Variants in XYLT1 observed in about 807,000 individuals in gnomAD.
XYLT1 encodes the protein beta-D-xylosyltransferase 1.
A neutral mutation model predicts 91.3 loss-of-function variants in XYLT1; 36 were observed. The ratio of observed to expected loss-of-function variants is 0.39; its 90% confidence interval spans 0.30 to 0.52. The LOEUF is 0.52. XYLT1 is among the 20% of genes least tolerant of loss of function. The probability of loss-of-function intolerance (pLI) is 0.68; values close to 1 mark genes in which losing one functional copy is unlikely to be tolerated. For missense variants in XYLT1, 1,242 were observed against 1,284.5 expected (o/e 0.97, Z 0.51); for synonymous variants, 588 against 532.0 (o/e 1.11, Z -1.45).
intron 2 of XYLT1, among the ~76,000 whole-genome samples, chr16:17,342,951 G>A (rs12924057): frequency 0.64 from 97,127 of 152,072 alleles, 31,968 homozygotes; most frequent in African/African-American, 0.76. Context: ...AAAAAACTTC[G>A]AGTCCCTAAA....
intron 10 of XYLT1, among the ~76,000 whole-genome samples, chr16:17,127,214 G>A (rs1205021542): frequency 1.3e-5 from 2 of 152,120 alleles, no homozygotes; most frequent in Non-Finnish European, 2.9e-5. Flanking sequence ...TCCCTTGAGC[G>A]AATCCAGGTG....
At chr16:17,313,955 G>A (rs961540037) in intron 2 of XYLT1, among the ~76,000 whole-genome samples, 10 of 152,276 alleles carry the variant, frequency 6.6e-5, no homozygotes, top group African/African-American at 2.4e-4. Context: ...CCTCAGACAG[G>A]CCAGGCCTCA....
chr16:17,361,356 T>C (rs577572709), intron 1 of XYLT1, among the ~76,000 whole-genome samples: 7 of 152,316 alleles, frequency 4.6e-5, no homozygotes, highest in South Asian at 2.1e-4. Context: ...AGAGAAAATA[T>C]ATGCTTGTTG....
rs1400756321 is a variant in XYLT1, at chr16:17,331,960, C to G, written c.402+26052G>C. ...AAGACCAGGTACAGTGCCTGCCTAT[C>G]CCTGGAGAGTGGGTTTCTGTTCCCT... On this transcript the variant is annotated intron_variant, in intron 2 of 11. Transcript: ENST00000261381. 2.0e-5 allele frequency among the ~76,000 whole-genome samples: 3 copies of G among 152,222 alleles called. No individual in the cohort carries two copies. The East Asian group carries it at 5.8e-4, about 29-fold the overall frequency.
intron 10 of XYLT1, among the ~76,000 whole-genome samples, chr16:17,122,252 C>T (rs1315080127): frequency 6.6e-6 from 1 of 152,212 alleles, no homozygotes; most frequent in Non-Finnish European, 1.5e-5. Flanking sequence ...TTCACCACAT[C>T]CATGCCAACA....
intron 2 of XYLT1, among the ~76,000 whole-genome samples, chr16:17,296,133 C>T (rs1410767317): frequency 1.3e-5 from 2 of 151,636 alleles, no homozygotes; most frequent in African/African-American, 4.9e-5. Flanking sequence ...AGGATGCCAA[C>T]TGTCTTCTGG....
intron 5 of XYLT1, chr16:17,194,069 C>T (rs1226971790): frequency 6.6e-6 from 1 of 152,166 alleles, no homozygotes; most frequent in Non-Finnish European, 1.5e-5. Context: ...ATAGGTTGCA[C>T]GCATGGCCTG....
intron 5 of XYLT1, among the ~76,000 whole-genome samples, chr16:17,185,792 T>C (rs993848076): frequency 3.3e-5 from 5 of 152,044 alleles, no homozygotes; most frequent in Admixed American, 2.6e-4. Flanking sequence ...CTTGAGGTCA[T>C]GAGTTTGAGG....
At chr16:17,165,800 T>C (rs1567304071) in intron 5 of XYLT1, among the ~76,000 whole-genome samples, 1 of 152,202 alleles carries the variant, frequency 6.6e-6, no homozygotes, top group Non-Finnish European at 1.5e-5. Flanking sequence ...TGAACACCCT[T>C]GAATAACTAT....
Position 17,417,491 on chromosome 16 carries a change from G to A in XYLT1, c.363+52943C>T, listed in dbSNP as rs28604283. Among the ~76,000 whole-genome samples the A allele has an allele frequency of 5.8e-3, 889 of 151,996 alleles. 13 individuals are homozygous for A. Among genetic ancestry groups the A allele is most frequent in the African/African-American group, 0.021 (853 of 41,446 alleles). The stretch of plus-strand genomic sequence containing the variant: ...AACGCGACTTAACCTTCCCATTCCT[G>A]CTTGCTCATCTCCCAGAGCCTCCTC... On this transcript the variant is annotated intron_variant, in intron 1 of 11. Transcript: ENST00000261381.
chr16:17,179,608 T>C (rs991427876), intron 5 of XYLT1, among the ~76,000 whole-genome samples: 1 of 152,196 alleles, frequency 6.6e-6, no homozygotes, highest in South Asian at 2.1e-4. Context: ...TGCACAACAG[T>C]GCTTGCTTTC....
chr16:17,416,247 C>T (rs898827035), intron 1 of XYLT1, among the ~76,000 whole-genome samples: 37 of 152,364 alleles, frequency 2.4e-4, no homozygotes, highest in Middle Eastern at 3.4e-3. Flanking sequence ...ACATCCCTTC[C>T]GGGATAAACT....
At chr16:17,139,712 CATA>C (rs925571741) in intron 7 of XYLT1, among the ~76,000 whole-genome samples, 1 of 152,202 alleles carries the variant, frequency 6.6e-6, no homozygotes, top group African/African-American at 2.4e-5. Context: ...TGTGTCCTTT[CATA>C]ATGATACAGA....
At chr16:17,358,241 C>T (rs1240769002) in intron 1 of XYLT1, among the ~76,000 whole-genome samples, 191 bp from the exon 2 acceptor site, 1 of 151,780 alleles carries the variant, frequency 6.6e-6, no homozygotes, top group African/African-American at 2.4e-5. Context: ...TCAAGTGATC[C>T]TCCCACCTCA....
At chr16:17,111,489 C>T (rs954973290) in intron 11 of XYLT1, among the ~76,000 whole-genome samples, 2 of 152,150 alleles carry the variant, frequency 1.3e-5, no homozygotes, top group Admixed American at 6.5e-5. Context: ...TTACAAGAAA[C>T]CTTCCAAGAT....
At chr16:17,168,804 G>A (rs2031758389) in intron 5 of XYLT1, among the ~76,000 whole-genome samples, 1 of 152,068 alleles carries the variant, frequency 6.6e-6, no homozygotes, top group Admixed American at 6.5e-5. Flanking sequence ...CGTCCTCCAG[G>A]AAGCAGCTGC....
intron 3 of XYLT1, among the ~76,000 whole-genome samples, chr16:17,202,665 G>A (rs938813650): frequency 2.0e-5 from 3 of 152,186 alleles, no homozygotes; most frequent in Admixed American, 6.5e-5. Context: ...CACCTCACCC[G>A]CACCTCTTTT....
intron 1 of XYLT1, among the ~76,000 whole-genome samples, chr16:17,417,464 T>C (rs1227962848): frequency 6.6e-6 from 1 of 152,094 alleles, no homozygotes; most frequent in Non-Finnish European, 1.5e-5. Context: ...CTTCACCTGG[T>C]TAACGCGACT....
intron 2 of XYLT1, among the ~76,000 whole-genome samples, chr16:17,295,828 A>G (rs957095823): frequency 2.0e-5 from 3 of 152,162 alleles, no homozygotes; most frequent in African/African-American, 7.2e-5. Flanking sequence ...CTCCACAACT[A>G]AGAATGATCT....
Sources: gnomAD v4.1 joint callset for allele counts (sites outside exome capture counted in the v4.1 genomes callset) on GRCh38, gnomAD v4.1.1 for gene constraint, MANE v1.5 for transcripts, NCBI Gene and HGNC (gene_info 2026-07-23, HGNC 2026-07-21) for gene names.